The following USP22 variants were observed in gnomAD, a reference collection of about 807,000 sequenced individuals.
USP22 encodes ubiquitin specific peptidase 22.
USP22 carries 22 observed loss-of-function variants against 68.1 expected under a neutral mutation model. The ratio of observed to expected loss-of-function variants is 0.32; its 90% CI spans 0.23 to 0.46. The LOEUF is 0.46. Among genes scored for constraint, USP22 ranks in the 20% least tolerant of loss-of-function variants. The pLI is 1.00. For missense variants in USP22, 433 were observed against 695.8 expected, an observed-to-expected ratio of 0.62 and a Z score of 4.25; for synonymous variants, 279 against 274.2, an observed-to-expected ratio of 1.02 and a Z score of -0.17.
intron 8 of USP22, among the ~76,000 whole-genome samples, chr17:21,008,936 A>G (rs112987344): frequency 0.018 from 2,702 of 152,108 alleles, 86 homozygotes; most frequent in African/African-American, 0.062. Flanking sequence ...TACTAAAAAT[A>G]CAAAATTAGC....
At chr17:21,032,906 G>A (rs1972307279) in intron 1 of USP22, among the ~76,000 whole-genome samples, 2 of 108,900 alleles carry the variant, frequency 1.8e-5, no homozygotes, top group Admixed American at 1.3e-4. Context: ...CTGAGCAACA[G>A]AACCAGACCC....
intron 1 of USP22, among the ~76,000 whole-genome samples, chr17:21,040,046 C>T (rs949537714): frequency 2.0e-5 from 3 of 152,080 alleles, no homozygotes; most frequent in Non-Finnish European, 2.9e-5. Context: ...AAATATTAGC[C>T]GGTCGTGGTG....
Position 21,002,811 on chromosome 17 carries a change from A to G in USP22, c.*220T>C, listed in dbSNP as rs1344598838. 7.6e-6 allele frequency: 4 copies of G among 527,274 alleles called. No individual in the cohort carries two copies. Among genetic ancestry groups the G allele is most frequent in the Non-Finnish European group, 1.0e-5 (3 of 288,090 alleles). The allele number at this position is 527,274 out of a possible 1,614,324, so 32.7% of individuals were successfully genotyped here. A position where few individuals can be genotyped will look rare whatever the true frequency, so the allele number is the denominator to read the frequency against. On this transcript the variant is annotated 3_prime_UTR_variant, in exon 13 of 13. Coordinates refer to ENST00000261497, the MANE Select transcript of USP22 (RefSeq NM_015276.2). ...TCCTCCCACCCAGAGCACACCCCTC[A>G]TCTCATCCATCTTCAAAGCAGCTCC...
At position 21,004,788 on chromosome 17, in the gene USP22, CAA is replaced by C; in HGVS notation, c.1385+138_1385+139del. 1.4e-3 allele frequency: 123 copies of C among 87,266 alleles called. 51 individuals are homozygous for C. In the South Asian group the frequency reaches 0.014, roughly 10 times the overall value. The allele number at this position is 87,266 out of a possible 1,614,324, so 5.4% of individuals were successfully genotyped here. A position where few individuals can be genotyped will look rare whatever the true frequency, so the allele number is the denominator to read the frequency against. ...CTTTCCTAGTGGAGCTGCGGGCAGCCAATAGTGGAGCTGCGGGCAGCCAAGCG... is the reference window on the plus strand; with the variant it reads ...CTTTCCTAGTGGAGCTGCGGGCAGCCTAGTGGAGCTGCGGGCAGCCAAGCG... On this transcript the variant is annotated intron_variant, in intron 11 of 12. Coordinates refer to ENST00000261497, the MANE Select transcript of USP22 (RefSeq NM_015276.2).
chr17:21,007,608 A>G (rs1913819455), intron 9 of USP22, among the ~76,000 whole-genome samples: 1 of 152,174 alleles, frequency 6.6e-6, no homozygotes, highest in Non-Finnish European at 1.5e-5. Context: ...TAGAAGTAAT[A>G]AAAACTTCAC....
Position 21,042,674 on chromosome 17 carries a change from G to C in USP22, c.162C>G (p.Arg54=). Residue 54 remains arginine (R), a synonymous_variant, in exon 1 of 13, where the codon CGC becomes CGG. Coordinates refer to ENST00000261497, the MANE Select transcript of USP22 (RefSeq NM_015276.2). The part of the protein sequence containing the change: ...CFVWSGTAEA[R]KRKAKSCICH... ...GGGCTGCCGGGCGCACCTTGCGCTT[G>C]CGGGCCTCAGCCGTGCCGCTCCACA... 7.7e-7 allele frequency: 1 copy of C among 1,292,952 alleles called. No homozygotes were observed. The highest frequency in any genetic ancestry group is 9.9e-7 in the Non-Finnish European group (1 of 1,014,136). The allele number at this position is 1,292,952 out of a possible 1,614,324, so 80.1% of individuals were successfully genotyped here. A position where few individuals can be genotyped will look rare whatever the true frequency, so the allele number is the denominator to read the frequency against.
At chr17:21,012,981 G>A in intron 6 of USP22, 46 bp from the exon 7 acceptor site, 1 of 1,585,332 alleles carries the variant, frequency 6.3e-7, no homozygotes, top group Non-Finnish European at 8.7e-7. Context: ...CCCAAATATG[G>A]GGAGTCTCTA....
chr17:21,035,076 A>C (rs1178908554), intron 1 of USP22, among the ~76,000 whole-genome samples: 1 of 152,214 alleles, frequency 6.6e-6, no homozygotes, highest in African/African-American at 2.4e-5. Context: ...CTTGGACGGA[A>C]GCAAACTGGG....
chr17:21,002,586 T>C lies in USP22; in HGVS notation c.*445A>G, dbSNP rs1467603239. On this transcript the variant is annotated 3_prime_UTR_variant, in exon 13 of 13. Transcript: ENST00000261497. ...ACACTAAAACACCAACAGAAAGGCA[T>C]CTGCAAGGCCCTCTGTCCCGCACAC... is the stretch of plus-strand genomic sequence containing the variant. The C allele has an allele frequency of 6.0e-6, 1 of 166,148 alleles. No individual in the cohort carries two copies. The highest frequency in any genetic ancestry group is 2.4e-5 in the African/African-American group (1 of 41,688). The allele number at this position is 166,148 out of a possible 1,614,324, so 10.3% of individuals were successfully genotyped here.
chr17:21,013,456 C>T (rs1225594831), intron 6 of USP22, among the ~76,000 whole-genome samples: 1 of 152,166 alleles, frequency 6.6e-6, no homozygotes, highest in Non-Finnish European at 1.5e-5. Flanking sequence ...AGTGCCACTC[C>T]CACCCTCTCT....
rs1358518705 is a variant in USP22 at position 21,003,085 on chromosome 17, G to A, written c.1536-12C>T. On this transcript the variant is annotated splice_polypyrimidine_tract_variant and intron_variant, in intron 12 of 12. Transcript: ENST00000261497. ...AGAACAGCAAGTACCTGTGGAGGCA[G>A]AGAGAGGGAGGAGGCTCACCTCTAA... 2.5e-6 allele frequency: 4 copies of A among 1,613,878 alleles called. No homozygotes were observed. Among genetic ancestry groups the A allele is most frequent in the Non-Finnish European group, 8.5e-7 (1 of 1,179,884 alleles).
intron 3 of USP22, 97 bp from the exon 4 acceptor site, chr17:21,019,282 G>T (rs967735286): frequency 1.7e-6 from 2 of 1,185,680 alleles, no homozygotes; most frequent in Non-Finnish European, 2.5e-6. Context: ...GTCTGTCAGG[G>T]TGCATTTCAG....
At chr17:21,031,098 ATTTG>A (rs1972284785) in intron 1 of USP22, among the ~76,000 whole-genome samples, 1 of 152,234 alleles carries the variant, frequency 6.6e-6, no homozygotes, top group African/African-American at 2.4e-5. Context: ...CATTCTTGCT[ATTTG>A]TTGTAGGTTT....
intron 5 of USP22, 152 bp from the exon 6 acceptor site, chr17:21,016,051 G>A: frequency 9.1e-7 from 1 of 1,100,932 alleles, no homozygotes; most frequent in Non-Finnish European, 1.2e-6. Flanking sequence ...TTTTTGCAAA[G>A]TCTATTTTTA....
intron 1 of USP22, chr17:21,042,398 A>AGGAGAG (rs1412303084): frequency 5.9e-6 from 1 of 168,166 alleles, no homozygotes; most frequent in Non-Finnish European, 1.1e-5. Context: ...GGGGACAGAG[A>AGGAGAG]GGAGGGGGAG....
At chr17:21,010,491 AC>A (rs1913925189) in intron 8 of USP22, among the ~76,000 whole-genome samples, 1 of 152,012 alleles carries the variant, frequency 6.6e-6, no homozygotes, top group Admixed American at 6.6e-5. Context: ...AGCCTGGCCA[AC>A]ATGGTAAAAC....
chr17:21,035,065 A>G (rs1446538726), intron 1 of USP22, among the ~76,000 whole-genome samples: 1 of 152,156 alleles, frequency 6.6e-6, no homozygotes, highest in South Asian at 2.1e-4. Context: ...AGGGACACAC[A>G]CTTGGACGGA....
intron 1 of USP22, among the ~76,000 whole-genome samples, chr17:21,037,623 C>T (rs1597702588): frequency 6.6e-6 from 1 of 152,180 alleles, no homozygotes; most frequent in African/African-American, 2.4e-5. Flanking sequence ...ACAGGACAGC[C>T]TGAGAAACTG....
Position 21,037,786 on chromosome 17 carries a change from T to C in USP22, c.171+4879A>G, listed in dbSNP as rs570175511. ...ATACACAAACACAAATGAGTAGAAGTAAAAGCGGGGAAATCTGAATGAGAT... is the reference window on the plus strand; with the variant it reads ...ATACACAAACACAAATGAGTAGAAGCAAAAGCGGGGAAATCTGAATGAGAT... On this transcript the variant is annotated intron_variant, in intron 1 of 12. Transcript: ENST00000261497. 2.0e-5 allele frequency among the ~76,000 whole-genome samples: 3 copies of C among 152,274 alleles called. No individual in the cohort carries two copies. The South Asian group carries it at 6.2e-4, about 32-fold the overall frequency.
Sources: allele counts gnomAD v4.1 joint callset (sites outside exome capture counted in the v4.1 genomes callset), GRCh38; gene constraint gnomAD v4.1.1; transcripts MANE v1.5; gene names NCBI Gene and HGNC (gene_info 2026-07-23, HGNC 2026-07-21).